ELAPOR2: variants seen among roughly 807,000 people sequenced by gnomAD.
ELAPOR2 encodes endosome-lysosome associated apoptosis and autophagy regulator family member 2.
Under a neutral mutation model 120.7 loss-of-function variants are expected in ELAPOR2, and 89 were observed. That is an observed-to-expected ratio of 0.74 (90% confidence interval 0.62 to 0.88). ELAPOR2 has a LOEUF of 0.88. ELAPOR2 is among the 40% of genes least tolerant of loss of function. ELAPOR2 has a pLI of 0.00. For missense variants in ELAPOR2, 1,134 were observed against 1,251.6 expected (o/e 0.91, Z 1.42); for synonymous variants, 444 against 444.9 (o/e 1.00, Z 0.03).
intron 1 of ELAPOR2, among the ~76,000 whole-genome samples, chr7:87,038,334 C>CT (rs1324142909): frequency 6.6e-6 from 1 of 152,160 alleles, no homozygotes; most frequent in African/African-American, 2.4e-5. Context: ...TAAATAATTG[C>CT]TTTCTCTGGA....
intron 12 of ELAPOR2, 67 bp from the exon 13 acceptor site, chr7:86,914,927 TA>T: frequency 8.2e-7 from 1 of 1,212,716 alleles, no homozygotes; most frequent in Non-Finnish European, 1.2e-6. Context: ...CCTGTGTATA[TA>T]TTACAAATGT....
chr7:87,006,164 TA>T (rs939231873), intron 1 of ELAPOR2, among the ~76,000 whole-genome samples: 13 of 152,162 alleles, frequency 8.5e-5, no homozygotes, highest in Admixed American at 8.5e-4. Flanking sequence ...GAATGAGTTT[TA>T]GAATTTAGAA....
At chr7:87,018,300 A>G (rs1793933050) in intron 1 of ELAPOR2, among the ~76,000 whole-genome samples, 1 of 152,118 alleles carries the variant, frequency 6.6e-6, no homozygotes. Context: ...AGTCATCCCA[A>G]AGTGCTGTGA....
chr7:86,963,202 T>TA (rs1791783175), intron 2 of ELAPOR2, among the ~76,000 whole-genome samples: 1 of 152,202 alleles, frequency 6.6e-6, no homozygotes, highest in Non-Finnish European at 1.5e-5. Flanking sequence ...GTGACCTGAT[T>TA]AGTAGTCAGA....
chr7:86,936,037 A>G (rs1417090033), intron 8 of ELAPOR2, among the ~76,000 whole-genome samples: 1 of 152,046 alleles, frequency 6.6e-6, no homozygotes, highest in Non-Finnish European at 1.5e-5. Context: ...ATATGCCTCA[A>G]TAGCTGATTT....
intron 1 of ELAPOR2, among the ~76,000 whole-genome samples, chr7:87,037,348 G>A (rs999168962): frequency 1.1e-4 from 16 of 150,512 alleles, no homozygotes; most frequent in Middle Eastern, 3.4e-3. Context: ...CCTATTTCCC[G>A]CCCCCACCAC....
chr7:87,028,871 C>G (rs1215533047), intron 1 of ELAPOR2, among the ~76,000 whole-genome samples: 1 of 152,206 alleles, frequency 6.6e-6, no homozygotes, highest in African/African-American at 2.4e-5. Context: ...CCACGTCCCT[C>G]TCACTCTGCT....
intron 1 of ELAPOR2, among the ~76,000 whole-genome samples, chr7:87,012,726 G>T (rs1353560923): frequency 6.6e-6 from 1 of 152,134 alleles, no homozygotes; most frequent in African/African-American, 2.4e-5. Context: ...TGTTAGCAGG[G>T]CTTAAAAGAA....
At chr7:86,943,763 C>A (rs1448640157) in intron 4 of ELAPOR2, among the ~76,000 whole-genome samples, 2 of 152,024 alleles carry the variant, frequency 1.3e-5, no homozygotes, top group East Asian at 3.8e-4. Context: ...TGTTCACTCT[C>A]AGAAGGATTT....
intron 12 of ELAPOR2, among the ~76,000 whole-genome samples, chr7:86,917,097 C>T (rs779140774): frequency 4.0e-5 from 6 of 150,790 alleles, no homozygotes; most frequent in Non-Finnish European, 5.9e-5. Flanking sequence ...TGAGCCATCA[C>T]GCCAGCCTCT....
At chr7:87,045,976 A>G (rs968716542) in intron 1 of ELAPOR2, among the ~76,000 whole-genome samples, 1 of 151,956 alleles carries the variant, frequency 6.6e-6, no homozygotes, top group Non-Finnish European at 1.5e-5. Flanking sequence ...AAGAAAAAGA[A>G]AAAAAGGGCA....
intron 1 of ELAPOR2, among the ~76,000 whole-genome samples, chr7:87,027,652 G>A (rs1017013144): frequency 6.6e-6 from 1 of 152,198 alleles, no homozygotes; most frequent in African/African-American, 2.4e-5. Flanking sequence ...AGCATAGAGT[G>A]AGGATGGATG....
At chr7:86,970,535 GACA>G (rs1792072808) in intron 1 of ELAPOR2, among the ~76,000 whole-genome samples, 1 of 152,134 alleles carries the variant, frequency 6.6e-6, no homozygotes. Flanking sequence ...AAAAAAGGGA[GACA>G]ACAAGAGATT....
Position 86,938,821 on chromosome 7 carries a change from G to A in ELAPOR2, c.987C>T (p.Asp329=). ...AACTAGTTCTACCTGAAAATTGAGA[G>A]TCGTCTTTACACCTTATACATTCTT... is the stretch of plus-strand genomic sequence containing the variant. ...GAKECIRCKD[D]SQFSEEGSSE... Residue 329 remains aspartate (D), a synonymous_variant, in exon 7 of 22, where the codon GAC becomes GAT. Transcript: ENST00000450689. 6.2e-7 allele frequency: 1 copy of A among 1,613,054 alleles called. No individual in the cohort carries two copies. Among genetic ancestry groups the A allele is most frequent in the Non-Finnish European group, 8.5e-7 (1 of 1,179,256 alleles).
chr7:87,031,669 G>A (rs763869279), intron 1 of ELAPOR2, among the ~76,000 whole-genome samples: 54 of 151,976 alleles, frequency 3.6e-4, no homozygotes, highest in Non-Finnish European at 6.5e-4. Flanking sequence ...AGACTGCTGC[G>A]GCTAAATTTT....
chr7:86,882,191 T>G (rs1026749734), intron 21 of ELAPOR2, among the ~76,000 whole-genome samples: 1 of 152,302 alleles, frequency 6.6e-6, no homozygotes, highest in East Asian at 1.9e-4. Flanking sequence ...CCATTAGCAG[T>G]TGAAATATTT....
intron 2 of ELAPOR2, 37 bp from the exon 3 acceptor site, chr7:86,947,959 C>T: frequency 7.7e-6 from 11 of 1,425,794 alleles, no homozygotes; most frequent in Non-Finnish European, 1.1e-5. Flanking sequence ...ATTACTTACC[C>T]TCCCATCAAT....
At chr7:86,925,698 A>G in intron 9 of ELAPOR2, 42 bp from the exon 10 acceptor site, 1 of 1,585,306 alleles carries the variant, frequency 6.3e-7, no homozygotes, top group Non-Finnish European at 8.7e-7. Flanking sequence ...ATTAAACTGC[A>G]TATGGACAAC....
chr7:87,022,367 G>C (rs1794075960), intron 1 of ELAPOR2, among the ~76,000 whole-genome samples: 1 of 151,778 alleles, frequency 6.6e-6, no homozygotes, highest in Admixed American at 6.6e-5. Context: ...TGCTGAGAAT[G>C]ATGGTTTCCA....
Sources: gnomAD v4.1 joint callset for allele counts (sites outside exome capture counted in the v4.1 genomes callset) on GRCh38, gnomAD v4.1.1 for gene constraint, MANE v1.5 for transcripts, NCBI Gene and HGNC (gene_info 2026-07-23, HGNC 2026-07-21) for gene names.